The following PLCB4 variants were observed in gnomAD, a reference collection of about 807,000 sequenced individuals.
The protein encoded by PLCB4 is 1-phosphatidylinositol 4,5-bisphosphate phosphodiesterase beta-4.
PLCB4 carries 77 observed loss-of-function variants against 178.8 expected under a neutral mutation model. The ratio of observed to expected loss-of-function variants is 0.43; its 90% CI spans 0.36 to 0.52. The LOEUF is 0.52. Among genes scored for constraint, PLCB4 ranks in the 20% least tolerant of loss-of-function variants. The pLI, the probability that PLCB4 is intolerant of heterozygous loss-of-function variation, is 0.00. For missense variants in PLCB4, 1,024 were observed against 1,453.4 expected, an observed-to-expected ratio of 0.70 and a Z score of 4.80; for synonymous variants, 496 against 490.8, an observed-to-expected ratio of 1.01 and a Z score of -0.14.
intron 2 of PLCB4, among the ~76,000 whole-genome samples, chr20:9,169,944 G>A (rs1175416742): frequency 3.3e-5 from 5 of 151,996 alleles, no homozygotes; most frequent in African/African-American, 1.2e-4. Context: ...GTATATTCCA[G>A]CATGCTTATT....
chr20:9,121,263 T>C (rs1246847886), intron 2 of PLCB4, among the ~76,000 whole-genome samples: 1 of 152,166 alleles, frequency 6.6e-6, no homozygotes. Context: ...TATGGAATAT[T>C]CCTTGCTCTC....
At chr20:9,087,429 A>ATTTT (rs1555814628) in intron 1 of PLCB4, among the ~76,000 whole-genome samples, 4 of 151,454 alleles carry the variant, frequency 2.6e-5, no homozygotes, top group African/African-American at 9.7e-5. Context: ...ACTTTGAATG[A>ATTTT]TTTTTTTTGG....
intron 36 of PLCB4, among the ~76,000 whole-genome samples, chr20:9,471,344 A>C (rs2122646115): frequency 6.6e-6 from 1 of 152,320 alleles, no homozygotes; most frequent in Admixed American, 6.5e-5. Flanking sequence ...GAGAACATTC[A>C]GAAAAACAAA....
At chr20:9,178,524 A>T (rs1213046372) in intron 2 of PLCB4, among the ~76,000 whole-genome samples, 1 of 151,808 alleles carries the variant, frequency 6.6e-6, no homozygotes, top group Non-Finnish European at 1.5e-5. Context: ...ATATTCATAG[A>T]TGTATGGATT....
intron 1 of PLCB4, among the ~76,000 whole-genome samples, chr20:9,071,322 T>C (rs1479184273): frequency 6.6e-6 from 1 of 152,212 alleles, no homozygotes. Flanking sequence ...ACAGTTATAT[T>C]TGGCAATTTC....
At chr20:9,311,232 T>G (rs2094829775) in intron 4 of PLCB4, among the ~76,000 whole-genome samples, 1 of 152,204 alleles carries the variant, frequency 6.6e-6, no homozygotes, top group South Asian at 2.1e-4. Flanking sequence ...CCACTTTTGA[T>G]GATGACTTAT....
intron 3 of PLCB4, among the ~76,000 whole-genome samples, chr20:9,237,055 A>G (rs1264959143): frequency 6.6e-6 from 1 of 152,160 alleles, no homozygotes; most frequent in East Asian, 1.9e-4. Flanking sequence ...ACATTCTCCC[A>G]CAGGTCTTAA....
intron 2 of PLCB4, among the ~76,000 whole-genome samples, chr20:9,184,736 T>C (rs1426043263): frequency 6.6e-6 from 1 of 152,098 alleles, no homozygotes; most frequent in Non-Finnish European, 1.5e-5. Context: ...TGATCTTATG[T>C]GTTGTATACA....
At chr20:9,188,235 A>G (rs545478399) in intron 2 of PLCB4, among the ~76,000 whole-genome samples, 164 of 152,362 alleles carry the variant, frequency 1.1e-3, no homozygotes, top group Non-Finnish European at 1.0e-3. Context: ...GGGAAATTGT[A>G]ATTTAAAATA....
At chr20:9,442,681 G>A (rs1451377995) in intron 30 of PLCB4, among the ~76,000 whole-genome samples, 1 of 152,110 alleles carries the variant, frequency 6.6e-6, no homozygotes, top group Non-Finnish European at 1.5e-5. Context: ...AGCTCTTTGT[G>A]TGCCAGGAGT....
intron 28 of PLCB4, among the ~76,000 whole-genome samples, chr20:9,430,061 A>AAAAT (rs146620996): frequency 1.3e-4 from 20 of 151,964 alleles, no homozygotes; most frequent in South Asian, 1.0e-3. Flanking sequence ...ATGAGCTATA[A>AAAAT]AAATAAATAA....
At chr20:9,241,591 A>G (rs753721917) in intron 3 of PLCB4, among the ~76,000 whole-genome samples, 8 of 152,248 alleles carry the variant, frequency 5.3e-5, no homozygotes, top group Non-Finnish European at 1.0e-4. Flanking sequence ...AGATGCATTC[A>G]AGATTATGTC....
intron 35 of PLCB4, among the ~76,000 whole-genome samples, chr20:9,460,088 C>T (rs2043296431): frequency 6.6e-6 from 1 of 152,122 alleles, no homozygotes; most frequent in Admixed American, 6.5e-5. Flanking sequence ...TAGCAAGACC[C>T]CATCTCTATT....
At position 9,232,194 on chromosome 20, in the gene PLCB4, A is replaced by T. The variant is rs538527663; in HGVS notation, c.-16+14742A>T. On this transcript the variant is annotated intron_variant, in intron 3 of 39. Coordinates refer to ENST00000378473, the MANE Select transcript of PLCB4 (RefSeq NM_001377142.1). ...GGTGATGACAAAAGAGTCCAAAGAA[A>T]CTTTTGGGTTGATGGACAGGCCTCT... Among the ~76,000 whole-genome samples the T allele has an allele frequency of 4.1e-4, 63 of 152,222 alleles. 1 individual carries two copies. The highest frequency in any genetic ancestry group is 1.5e-4 in the Non-Finnish European group (10 of 67,990).
chr20:9,148,805 A>G (rs912185517), intron 2 of PLCB4, among the ~76,000 whole-genome samples: 1 of 152,222 alleles, frequency 6.6e-6, no homozygotes, highest in African/African-American at 2.4e-5. Context: ...TTTCTGGTCC[A>G]ACAGATGTGT....
chr20:9,378,097 T>A (rs1031723479), intron 12 of PLCB4, among the ~76,000 whole-genome samples: 5 of 152,156 alleles, frequency 3.3e-5, no homozygotes, highest in African/African-American at 1.2e-4. Flanking sequence ...CATGTATGTA[T>A]ATTTTAAAAT....
chr20:9,167,736 C>T (rs1424343047), intron 2 of PLCB4, among the ~76,000 whole-genome samples: 1 of 152,154 alleles, frequency 6.6e-6, no homozygotes, highest in African/African-American at 2.4e-5. Context: ...GAAACTTGTA[C>T]TTAGTACCGA....
chr20:9,111,183 A>T (rs979060925), intron 2 of PLCB4, among the ~76,000 whole-genome samples: 6 of 152,138 alleles, frequency 3.9e-5, no homozygotes, highest in African/African-American at 1.4e-4. Context: ...ACTCTTCTCT[A>T]CTTGGGAAGG....
intron 4 of PLCB4, among the ~76,000 whole-genome samples, chr20:9,327,449 G>A (rs573486916): frequency 9.4e-4 from 143 of 152,022 alleles, no homozygotes; most frequent in African/African-American, 3.4e-3. Context: ...CTGCACTCCA[G>A]CCCGGATGAC....
Sources: allele counts gnomAD v4.1 joint callset (sites outside exome capture counted in the v4.1 genomes callset), GRCh38; gene constraint gnomAD v4.1.1; transcripts MANE v1.5; gene names NCBI Gene and HGNC (gene_info 2026-07-23, HGNC 2026-07-21).